The following CACNA1E variants were observed in gnomAD, a reference collection of about 807,000 sequenced individuals.
CACNA1E encodes calcium voltage-gated channel subunit alpha1 E.
Under a neutral mutation model 259.2 loss-of-function variants are expected in CACNA1E, and 40 were observed. The ratio of observed to expected loss-of-function variants is 0.15; its 90% CI spans 0.12 to 0.20. The LOEUF (loss-of-function observed/expected upper bound fraction) is 0.20. Among genes scored for constraint, CACNA1E ranks in the 10% least tolerant of loss-of-function variants. CACNA1E has a pLI of 1.00. For synonymous variants in CACNA1E, 1,104 were observed against 1,138.5 expected, an observed-to-expected ratio of 0.97 and a Z score of 0.61; for missense variants, 1,874 against 3,040.1, an observed-to-expected ratio of 0.62 and a Z score of 9.02.
At chr1:181,669,278 G>T (rs550654477) in intron 7 of CACNA1E, among the ~76,000 whole-genome samples, 1 of 152,272 alleles carries the variant, frequency 6.6e-6, no homozygotes, top group South Asian at 2.1e-4. Flanking sequence ...AATGTTCTTT[G>T]TTTTGCAAGA....
intron 3 of CACNA1E, among the ~76,000 whole-genome samples, chr1:181,550,287 A>G (rs1647984473): frequency 6.6e-6 from 1 of 151,814 alleles, no homozygotes; most frequent in Admixed American, 6.6e-5. Flanking sequence ...TGGTATGGAG[A>G]GGGGATGAGG....
chr1:181,416,531 T>C (rs1442619148), intron 2 of CACNA1E, among the ~76,000 whole-genome samples: 1 of 152,188 alleles, frequency 6.6e-6, no homozygotes, highest in Non-Finnish European at 1.5e-5. Flanking sequence ...CTGGCACTCA[T>C]GTTTCATCAT....
intron 38 of CACNA1E, among the ~76,000 whole-genome samples, chr1:181,778,598 A>G (rs1013815664): frequency 3.3e-5 from 5 of 152,212 alleles, no homozygotes; most frequent in African/African-American, 1.2e-4. Context: ...GACAGAGAAG[A>G]TGCTGTAGCC....
At chr1:181,533,809 C>A (rs1667955835) in intron 3 of CACNA1E, among the ~76,000 whole-genome samples, 1 of 151,932 alleles carries the variant, frequency 6.6e-6, no homozygotes, top group Non-Finnish European at 1.5e-5. Context: ...TCTTCTGTAT[C>A]TTGTAATTTT....
rs755606631 is a variant in CACNA1E at position 181,798,848 on chromosome 1, C to G, written c.*14C>G. ...GACAAATGCTAGAGGCTGCTCCCCC[C>G]TCCGATGCATGCTCTTCTCTCACAT... On this transcript the variant is annotated 3_prime_UTR_variant, in exon 48 of 48. Coordinates refer to ENST00000367573, the MANE Select transcript of CACNA1E (RefSeq NM_001205293.3). The surrounding 1 kb of genome is among the most constrained non-coding windows in gnomAD (Gnocchi z 4.2). The G allele has an allele frequency of 1.4e-4, 207 of 1,497,504 alleles. No individual in the cohort carries two copies. The highest frequency in any genetic ancestry group is 1.7e-4 in the Non-Finnish European group (192 of 1,126,720). 92.8% of individuals were successfully genotyped at this position (1,497,504 alleles called of 1,614,324 possible). A position where few individuals can be genotyped will look rare whatever the true frequency, so the allele number is the denominator to read the frequency against.
chr1:181,698,341 A>G (rs1310169310), intron 7 of CACNA1E, among the ~76,000 whole-genome samples: 1 of 152,184 alleles, frequency 6.6e-6, no homozygotes, highest in African/African-American at 2.4e-5. Flanking sequence ...CTCCTTAGGA[A>G]TTTCAGAGTC....
chr1:181,443,726 AGGTCT>A, intron 2 of CACNA1E, among the ~76,000 whole-genome samples: 1 of 152,326 alleles, frequency 6.6e-6, no homozygotes, highest in Admixed American at 6.5e-5. Context: ...GAGCAGACAG[AGGTCT>A]CTCCAATGGT....
intron 1 of CACNA1E, among the ~76,000 whole-genome samples, chr1:181,368,783 A>G (rs987768526): frequency 2.6e-5 from 4 of 152,188 alleles, no homozygotes; most frequent in African/African-American, 9.6e-5. Flanking sequence ...TTTATACTGA[A>G]TTTGTTTCTA....
chr1:181,402,002 G>A (rs1657136119), intron 1 of CACNA1E, among the ~76,000 whole-genome samples: 1 of 152,174 alleles, frequency 6.6e-6, no homozygotes, highest in African/African-American at 2.4e-5. Flanking sequence ...AAGAAATGTA[G>A]GATGGCCACT....
intron 1 of CACNA1E, among the ~76,000 whole-genome samples, chr1:181,349,503 A>T (rs538865417): frequency 6.6e-6 from 1 of 152,314 alleles, no homozygotes; most frequent in Non-Finnish European, 1.5e-5. Flanking sequence ...GTGACATTGA[A>T]AGGGAAGACA....
chr1:181,368,183 T>C (rs1305165192), intron 1 of CACNA1E, among the ~76,000 whole-genome samples: 7 of 151,606 alleles, frequency 4.6e-5, no homozygotes, highest in Non-Finnish European at 8.8e-5. Context: ...TGAGCCGAGA[T>C]CATGCCACTG....
At chr1:181,689,927 C>G (rs1300675534) in intron 7 of CACNA1E, among the ~76,000 whole-genome samples, 1 of 152,070 alleles carries the variant, frequency 6.6e-6, no homozygotes, top group Non-Finnish European at 1.5e-5. Context: ...CTGTAAGTTG[C>G]CTGTTCACTC....
chr1:181,336,156 T>A (rs552221564), intron 1 of CACNA1E, among the ~76,000 whole-genome samples: 1 of 152,200 alleles, frequency 6.6e-6, no homozygotes, highest in Non-Finnish European at 1.5e-5. Context: ...TGAGTGAAGA[T>A]AGAATCAGTT....
At chr1:181,476,749 G>A (rs757674350) in intron 2 of CACNA1E, among the ~76,000 whole-genome samples, 1 of 152,320 alleles carries the variant, frequency 6.6e-6, no homozygotes, top group Non-Finnish European at 1.5e-5. Context: ...TCAAGAGGCC[G>A]TGGGGGTGGA....
intron 6 of CACNA1E, among the ~76,000 whole-genome samples, chr1:181,585,014 C>G (rs942896449): frequency 2.0e-5 from 3 of 149,156 alleles, no homozygotes; most frequent in African/African-American, 7.4e-5. Context: ...AAACTGGTCC[C>G]CCCCCCTGCC....
chr1:181,410,514 C>G (rs139573666), intron 1 of CACNA1E, among the ~76,000 whole-genome samples: 30 of 152,244 alleles, frequency 2.0e-4, no homozygotes, highest in Non-Finnish European at 3.8e-4. Flanking sequence ...TCTTAGGGCT[C>G]CAGGGGCGTC....
At chr1:181,496,951 C>T (rs1464362419) in intron 1 of CACNA1E, among the ~76,000 whole-genome samples, 4 of 152,058 alleles carry the variant, frequency 2.6e-5, no homozygotes, top group African/African-American at 9.7e-5. Flanking sequence ...AGGGTGTGGG[C>T]TTGTCTGGAG....
At chr1:181,439,006 T>C (rs1329334509) in intron 2 of CACNA1E, among the ~76,000 whole-genome samples, 1 of 152,344 alleles carries the variant, frequency 6.6e-6, no homozygotes, top group South Asian at 2.1e-4. Flanking sequence ...TATAGCAGCA[T>C]GGTTAGATTT....
intron 7 of CACNA1E, among the ~76,000 whole-genome samples, chr1:181,661,739 T>G (rs1647703058): frequency 6.6e-6 from 1 of 152,360 alleles, no homozygotes; most frequent in Admixed American, 6.5e-5. Context: ...TTGTCTCATT[T>G]AATCCTCACA....
Sources: allele counts gnomAD v4.1 joint callset (sites outside exome capture counted in the v4.1 genomes callset), GRCh38; gene constraint gnomAD v4.1.1; non-coding constraint Gnocchi (gnomAD v3.1); transcripts MANE v1.5; gene names NCBI Gene and HGNC (gene_info 2026-07-23, HGNC 2026-07-21).